The following RBFOX1 variants were observed in gnomAD, a reference collection of about 807,000 sequenced individuals.
The protein encoded by RBFOX1 is RNA binding protein fox-1 homolog 1.
In RBFOX1, 8 loss-of-function variants were observed where a neutral mutation model predicts 57.7. The observed-to-expected ratio is 0.14, with a 90% CI of 0.08 to 0.25. The LOEUF (loss-of-function observed/expected upper bound fraction) is 0.25. Among genes scored for constraint, RBFOX1 ranks in the 10% least tolerant of loss-of-function variants. RBFOX1 has a pLI of 1.00. For missense variants in RBFOX1, 611 were observed against 548.5 expected, an observed-to-expected ratio of 1.11 and a Z score of -1.14; for synonymous variants, 326 against 222.4, an observed-to-expected ratio of 1.47 and a Z score of -4.15.
At chr16:6,983,400 G>A (rs977114901) in intron 3 of RBFOX1, among the ~76,000 whole-genome samples, 7 of 151,382 alleles carry the variant, frequency 4.6e-5, no homozygotes, top group Admixed American at 1.3e-4. Flanking sequence ...AGAATATCGA[G>A]AATGATATAA....
At chr16:7,453,681 G>T (rs9922064) in intron 4 of RBFOX1, among the ~76,000 whole-genome samples, 4 of 151,982 alleles carry the variant, frequency 2.6e-5, no homozygotes, top group East Asian at 1.9e-4. Context: ...CACTGGTCAA[G>T]GTACTGAGGG....
chr16:7,050,322 A>G lies in RBFOX1; in HGVS notation c.-15-1735A>G, dbSNP rs944149892. Reference sequence around the variant, plus strand: ...CTCTTGTTGCCCAGGATGGAGTATAATGGTGGGAACTCAGCTCACTGCAAC... The same window carrying G: ...CTCTTGTTGCCCAGGATGGAGTATAGTGGTGGGAACTCAGCTCACTGCAAC... On this transcript the variant is annotated intron_variant, in intron 3 of 15. Coordinates refer to ENST00000550418, the MANE Select transcript of RBFOX1 (RefSeq NM_018723.4). Among the ~76,000 whole-genome samples, 33 of 101,910 alleles carry G rather than the reference A, an allele frequency of 3.2e-4. 1 individual carries two copies. The highest frequency in any genetic ancestry group is 4.2e-3 in the Middle Eastern group (1 of 240). 66.9% of individuals were successfully genotyped at this position (101,910 alleles called of 152,430 possible).
intron 4 of RBFOX1, among the ~76,000 whole-genome samples, chr16:7,317,180 C>G (rs2096460286): frequency 1.3e-5 from 2 of 151,974 alleles, no homozygotes; most frequent in Admixed American, 1.3e-4. Context: ...TAGGAGTGGA[C>G]AGAAAAGAAA....
intron 2 of RBFOX1, among the ~76,000 whole-genome samples, chr16:6,431,612 G>A (rs1415063084): frequency 6.6e-6 from 1 of 152,106 alleles, no homozygotes; most frequent in Non-Finnish European, 1.5e-5. Flanking sequence ...GATGCTGGGG[G>A]TAAGTGTGAG....
At chr16:7,693,414 T>C in intron 14 of RBFOX1, 1 of 1,192,506 alleles carries the variant, frequency 8.4e-7, no homozygotes, top group Non-Finnish European at 1.2e-6. Flanking sequence ...AGTCTCAGTA[T>C]CCTTTTTTTT....
chr16:7,546,197 C>G (rs964764911), intron 5 of RBFOX1, among the ~76,000 whole-genome samples: 1 of 151,884 alleles, frequency 6.6e-6, no homozygotes, highest in Admixed American at 6.6e-5. Context: ...CATGGTGGCA[C>G]GGGCCAGTAA....
At chr16:7,460,409 G>C (rs1403227057) in intron 4 of RBFOX1, among the ~76,000 whole-genome samples, 1 of 75,692 alleles carries the variant, frequency 1.3e-5, no homozygotes, top group Non-Finnish European at 2.9e-5. Flanking sequence ...GTGTGTGTGT[G>C]TGTGTGTGTA....
At chr16:5,374,175 T>G (rs753442896) in intron 1 of RBFOX1, among the ~76,000 whole-genome samples, 43 of 152,256 alleles carry the variant, frequency 2.8e-4, no homozygotes, top group Non-Finnish European at 4.4e-4. Context: ...TGAGCTCAGC[T>G]GTTCCACCCA....
At chr16:7,349,043 A>C (rs2097076552) in intron 4 of RBFOX1, among the ~76,000 whole-genome samples, 1 of 152,208 alleles carries the variant, frequency 6.6e-6, no homozygotes, top group South Asian at 2.1e-4. Flanking sequence ...ATTTCTTGAA[A>C]TGGGGACATT....
intron 3 of RBFOX1, among the ~76,000 whole-genome samples, chr16:5,716,429 C>T (rs1455756431): frequency 6.6e-6 from 1 of 152,126 alleles, no homozygotes; most frequent in Admixed American, 6.5e-5. Flanking sequence ...CCCCAGTGTC[C>T]ATGTGTCCAA....
chr16:6,034,324 T>G (rs1442974393), intron 1 of RBFOX1, among the ~76,000 whole-genome samples: 1 of 96,420 alleles, frequency 1.0e-5, no homozygotes, highest in African/African-American at 5.0e-5. Flanking sequence ...AGAGCGAGAC[T>G]GTTGCGCAAA....
intron 4 of RBFOX1, among the ~76,000 whole-genome samples, chr16:7,296,389 C>G (rs986547110): frequency 6.6e-6 from 1 of 151,182 alleles, no homozygotes; most frequent in Admixed American, 6.6e-5. Flanking sequence ...AATTTAAAAG[C>G]TGTTAATTTT....
intron 4 of RBFOX1, among the ~76,000 whole-genome samples, chr16:5,920,457 G>T (rs1276339540): frequency 1.3e-5 from 2 of 152,168 alleles, no homozygotes; most frequent in African/African-American, 4.8e-5. Context: ...TTTCTCGTGG[G>T]TGTATACCTA....
At chr16:6,298,383 C>T (rs2078389299) in intron 1 of RBFOX1, among the ~76,000 whole-genome samples, 1 of 152,210 alleles carries the variant, frequency 6.6e-6, no homozygotes, top group African/African-American at 2.4e-5. Flanking sequence ...CACAGCTCCC[C>T]AAGTATATCC....
At chr16:7,107,653 A>G (rs7191522) in intron 4 of RBFOX1, among the ~76,000 whole-genome samples, 92,408 of 151,794 alleles carry the variant, frequency 0.61, 28,418 homozygotes, top group African/African-American at 0.69. Flanking sequence ...CCCTCCCCAA[A>G]ACAACCACCA....
At chr16:6,049,397 C>T (rs2095529247) in intron 1 of RBFOX1, among the ~76,000 whole-genome samples, 1 of 152,082 alleles carries the variant, frequency 6.6e-6, no homozygotes, top group Non-Finnish European at 1.5e-5. Context: ...GAAGAATCAC[C>T]TTCTTTGAAT....
intron 4 of RBFOX1, among the ~76,000 whole-genome samples, chr16:5,897,016 CTTTTTTTTTTTTTTTTT>C (rs575235024): frequency 7.1e-5 from 4 of 56,460 alleles, no homozygotes; most frequent in African/African-American, 1.5e-4. Context: ...TATCCATCCG[CTTTTTTTTTTTTTTTTT>C]TTTTTTTTTT....
rs1433140663 is a variant in RBFOX1 at position 6,351,366 on chromosome 16, ATATATATT to A, written c.-64+34311_-64+34318del. Among the ~76,000 whole-genome samples the A allele has an allele frequency of 4.0e-3, 394 of 98,982 alleles. 8 individuals carry two copies. The highest frequency in any genetic ancestry group is 0.017 in the African/African-American group (360 of 20,606). The allele number at this position is 98,982 out of a possible 152,430, so 64.9% of individuals were successfully genotyped here. On this transcript the variant is annotated intron_variant, in intron 2 of 15. Transcript: ENST00000550418. The stretch of plus-strand genomic sequence containing the variant: ...TGTGTGTGTGTGTATATATATATAT[ATATATATT>A]TTTTTTTTTTTTTCTTGAGGCAGAG...
chr16:5,564,674 C>G (rs144363087), intron 2 of RBFOX1, among the ~76,000 whole-genome samples: 38 of 152,282 alleles, frequency 2.5e-4, no homozygotes, highest in African/African-American at 7.9e-4. Flanking sequence ...GACTTGGAAC[C>G]TCTCCAGGCT....
Sources: gnomAD v4.1 joint callset for allele counts (sites outside exome capture counted in the v4.1 genomes callset) on GRCh38, gnomAD v4.1.1 for gene constraint, MANE v1.5 for transcripts, NCBI Gene and HGNC (gene_info 2026-07-23, HGNC 2026-07-21) for gene names.